HECTD4: variants seen among roughly 807,000 people sequenced by gnomAD.
HECTD4 encodes probable E3 ubiquitin-protein ligase HECTD4.
Under a neutral mutation model 471.5 loss-of-function variants are expected in HECTD4, and 114 were observed. The ratio of observed to expected loss-of-function variants is 0.24; its 90% CI spans 0.21 to 0.28. The LOEUF (loss-of-function observed/expected upper bound fraction) is 0.28, where lower values mean the gene tolerates loss of function less well. HECTD4 is among the 10% of genes least tolerant of loss of function. HECTD4 has a pLI of 1.00. For missense variants in HECTD4, 3,866 were observed against 5,651.5 expected, an observed-to-expected ratio of 0.68 and a Z score of 10.13; for synonymous variants, 2,012 against 2,256.0, an observed-to-expected ratio of 0.89 and a Z score of 3.07.
chr12:112,365,370 T>G (rs1428499644), intron 1 of HECTD4, among the ~76,000 whole-genome samples: 4 of 152,186 alleles, frequency 2.6e-5, no homozygotes, highest in African/African-American at 7.2e-5. Context: ...CACTCTGGCC[T>G]AGGTGACAGA....
intron 7 of HECTD4, among the ~76,000 whole-genome samples, chr12:112,284,303 T>C (rs1233563754): frequency 6.6e-6 from 1 of 152,166 alleles, no homozygotes; most frequent in African/African-American, 2.4e-5. Flanking sequence ...AAATCTCTCA[T>C]GGCCCCTTTC....
chr12:112,170,085 CAA>C (rs995628213), intron 69 of HECTD4: 2 of 581,546 alleles, frequency 3.4e-6, no homozygotes, highest in African/African-American at 1.9e-5. Flanking sequence ...CTGATCAGAG[CAA>C]AGCCTGCCCC....
chr12:112,330,774 T>C (rs1484574477), intron 1 of HECTD4, among the ~76,000 whole-genome samples: 1 of 152,222 alleles, frequency 6.6e-6, no homozygotes, highest in African/African-American at 2.4e-5. Context: ...TGGTTTCCAC[T>C]GTACATCTGA....
chr12:112,167,978 C>A, intron 70 of HECTD4, 61 bp from the exon 71 acceptor site: 1 of 1,302,874 alleles, frequency 7.7e-7, no homozygotes, highest in Non-Finnish European at 1.1e-6. Context: ...GACACCGTTC[C>A]CTCCCTCTCA....
Position 112,184,798 on chromosome 12 carries a change from CCAGGGCCTGG to C in HECTD4, c.10158_10167del (p.Cys3386TrpfsTer12). 6.2e-7 allele frequency: 1 copy of C among 1,610,732 alleles called. No individual in the cohort carries two copies. The highest frequency in any genetic ancestry group is 8.5e-7 in the Non-Finnish European group (1 of 1,177,760). ...AAGCGGCTGTGGGCGGTGGGGCCCA[CCAGGGCCTGG>C]CAGGCATCGGCGATGGCGTCACTCG... On this transcript the variant is annotated frameshift_variant, in exon 61 of 76. Transcript: ENST00000682272. LOFTEE classifies it high-confidence loss of function. This position sits in a 1 kb window ranked among gnomAD's most constrained non-coding sequence, Gnocchi z 9.1.
chr12:112,224,024 T>C (rs1217453414), intron 44 of HECTD4, among the ~76,000 whole-genome samples: 2 of 152,154 alleles, frequency 1.3e-5, no homozygotes, highest in Non-Finnish European at 2.9e-5. Flanking sequence ...GAAAATCAAA[T>C]AACTCTGTCT....
intron 25 of HECTD4, among the ~76,000 whole-genome samples, chr12:112,248,859 A>C (rs751499926): frequency 6.6e-6 from 1 of 152,224 alleles, no homozygotes; most frequent in Non-Finnish European, 1.5e-5. Context: ...TATTGGGATT[A>C]CAGGCATGAG....
At chr12:112,282,977 A>C in intron 8 of HECTD4, 133 bp downstream of exon 8, 1 of 594,980 alleles carries the variant, frequency 1.7e-6, no homozygotes. Context: ...AAAGCTGGAC[A>C]ATGACTGGAA....
Position 112,161,832 on chromosome 12 carries a change from A to G in HECTD4, c.*555T>C, listed in dbSNP as rs1326321390. On this transcript the variant is annotated 3_prime_UTR_variant, in exon 76 of 76. Transcript: ENST00000682272. ...CGGGAGCAAGTTCTAAAGCAGGAAG[A>G]TGAACACATAAAGCTCCCTGTGTGT... 6.6e-6 allele frequency: 1 copy of G among 152,292 alleles called. No homozygotes were observed. Among genetic ancestry groups the G allele is most frequent in the African/African-American group, 2.4e-5 (1 of 41,448 alleles). The allele number at this position is 152,292 out of a possible 1,614,324, so 9.4% of individuals were successfully genotyped here.
In HECTD4 at chr12:112,193,617, T is replaced by C. The variant is rs2032151720; in HGVS notation, c.8807A>G (p.His2936Arg). Residue 2936 changes from histidine to arginine, a missense_variant, in exon 57 of 76, where the codon CAT becomes CGT. Physicochemically the swap from His to Arg is conservative, Grantham distance 29 (BLOSUM62 0). Transcript: ENST00000682272. The surrounding 1 kb of genome is among the most constrained non-coding windows in gnomAD (Gnocchi z 5.2). ...GTCCGTGGCGGAGCAGTTCTGGGAATGGATGCAATGCTGTAAAGACTGCGC... is the reference window on the plus strand; with the variant it reads ...GTCCGTGGCGGAGCAGTTCTGGGAACGGATGCAATGCTGTAAAGACTGCGC... The part of the protein sequence containing the change: ...LLAQSLQHCI[H>R]SQNCSATDLF... The C allele has an allele frequency of 6.2e-7, 1 of 1,613,158 alleles. No homozygotes were observed. Among genetic ancestry groups the C allele is most frequent in the African/African-American group, 1.3e-5 (1 of 74,914 alleles).
In HECTD4 at chr12:112,195,084, G is replaced by T; in HGVS notation, c.8568-18C>A. 1 of 1,576,478 alleles carries T rather than the reference G, an allele frequency of 6.3e-7. No individual in the cohort carries two copies. ...GCAGCTCCCTGCAAGGGAAAAGGTG[G>T]GTGAGATACTCAAAGCCCTGATGCT... On this transcript the variant is annotated intron_variant, in intron 55 of 75. Coordinates refer to ENST00000682272, the MANE Select transcript of HECTD4 (RefSeq NM_001388303.1).
chr12:112,297,358 G>T (rs35547866), intron 7 of HECTD4, among the ~76,000 whole-genome samples: 80 of 151,746 alleles, frequency 5.3e-4, no homozygotes, highest in Non-Finnish European at 8.7e-4. Context: ...AAGTGCAGAA[G>T]GTGTAAGTTC....
intron 67 of HECTD4, 81 bp from the exon 68 acceptor site, chr12:112,171,344 A>G (rs1228320870): frequency 6.5e-7 from 1 of 1,535,862 alleles, no homozygotes; most frequent in East Asian, 2.4e-5. Flanking sequence ...AGGCAACCCT[A>G]TCACTGCGAA....
intron 6 of HECTD4, 123 bp downstream of exon 6, chr12:112,308,630 A>C: frequency 1.1e-6 from 1 of 907,850 alleles, no homozygotes; most frequent in Non-Finnish European, 1.6e-6. Flanking sequence ...AACTATAACA[A>C]TTAAAAGGAT....
chr12:112,172,056 AC>A (rs1485954954), intron 67 of HECTD4, among the ~76,000 whole-genome samples: 2 of 152,136 alleles, frequency 1.3e-5, no homozygotes, highest in African/African-American at 4.8e-5. Context: ...GGCATGCGCC[AC>A]CACGCCCGGC....
intron 7 of HECTD4, among the ~76,000 whole-genome samples, chr12:112,304,333 C>G (rs750840647): frequency 4.7e-5 from 7 of 148,724 alleles, no homozygotes; most frequent in Non-Finnish European, 1.0e-4. Flanking sequence ...TCACCCCAAT[C>G]AACCTTCTGG....
chr12:112,262,515 CAAAAAAA>C (rs758273849), intron 17 of HECTD4, among the ~76,000 whole-genome samples: 5 of 19,754 alleles, frequency 2.5e-4, no homozygotes, highest in African/African-American at 2.8e-4. Context: ...GACTCCATCT[CAAAAAAA>C]AAAAAAAAAA....
At chr12:112,232,967 A>G in intron 38 of HECTD4, 37 bp downstream of exon 38, 1 of 1,515,908 alleles carries the variant, frequency 6.6e-7, no homozygotes, top group South Asian at 1.2e-5. Context: ...AATACTCTAC[A>G]ATTTCGGGTT....
At position 112,212,420 on chromosome 12, in the gene HECTD4, T is replaced by C. The variant is rs1391789402; in HGVS notation, c.7629+67A>G. 11 of 1,343,660 alleles carry C rather than the reference T, an allele frequency of 8.2e-6. No individual in the cohort carries two copies. The Admixed American group carries it at 1.8e-4, about 22-fold the overall frequency. The allele number at this position is 1,343,660 out of a possible 1,614,324, so 83.2% of individuals were successfully genotyped here. A position where few individuals can be genotyped will look rare whatever the true frequency, so the allele number is the denominator to read the frequency against. On this transcript the variant is annotated intron_variant, in intron 49 of 75. Coordinates refer to ENST00000682272, the MANE Select transcript of HECTD4 (RefSeq NM_001388303.1). ...GAGGGCCCGTTTGCTCCCTTTCATT[T>C]TTCCATGTCTAACAGGAACAGGTGA...
Sources: allele counts gnomAD v4.1 joint callset (sites outside exome capture counted in the v4.1 genomes callset), GRCh38; gene constraint gnomAD v4.1.1; non-coding constraint Gnocchi (gnomAD v3.1); transcripts MANE v1.5; gene names NCBI Gene and HGNC (gene_info 2026-07-23, HGNC 2026-07-21).